Variants in DNAH11 observed in about 807,000 individuals in gnomAD.
The protein encoded by DNAH11 is axonemal beta dynein heavy chain 11.
A neutral mutation model predicts 526.0 loss-of-function variants in DNAH11; 442 were observed. The ratio of observed to expected loss-of-function variants is 0.84; its 90% confidence interval spans 0.78 to 0.91. DNAH11 has a LOEUF of 0.91. Among genes scored for constraint, DNAH11 ranks in the 40% least tolerant of loss-of-function variants. The pLI, the probability that DNAH11 is intolerant of heterozygous loss-of-function variation, is 0.00. For missense variants in DNAH11, 6,989 were observed against 5,448.7 expected (o/e 1.28, Z -8.90); for synonymous variants, 2,461 against 1,935.9 (o/e 1.27, Z -7.12).
rs146645211 is a variant in DNAH11, at chr7:21,841,301, C to T, written c.10692-1243C>T. ...AAATACATACTTAAGATGCATTATA[C>T]ATATATATACAGATATACATAAACA... On this transcript the variant is annotated intron_variant, in intron 65 of 81. Transcript: ENST00000409508. Among the ~76,000 whole-genome samples, 245 of 152,148 alleles carry T rather than the reference C, an allele frequency of 1.6e-3. 2 individuals are homozygous for T. The East Asian group carries it at 0.042, about 26-fold the overall frequency.
At position 21,894,046 on chromosome 7, in the gene DNAH11, G is replaced by T. The variant is rs575574328; in HGVS notation, c.12751-577G>T. On this transcript the variant is annotated intron_variant, in intron 77 of 81. Transcript: ENST00000409508. ...TGGGATTACAGACATGCTCCAACATGCCTGGCTAATTTTTATATTTTTAGT... is the reference window on the plus strand; with the variant it reads ...TGGGATTACAGACATGCTCCAACATTCCTGGCTAATTTTTATATTTTTAGT... 2.2e-4 allele frequency among the ~76,000 whole-genome samples: 33 copies of T among 152,180 alleles called. No individual in the cohort carries two copies. In the Middle Eastern group the frequency reaches 0.01, roughly 47 times the overall value.
intron 35 of DNAH11, among the ~76,000 whole-genome samples, chr7:21,691,900 T>C (rs1783647248): frequency 6.6e-6 from 1 of 152,194 alleles, no homozygotes; most frequent in Non-Finnish European, 1.5e-5. Context: ...AAAATTACTC[T>C]TATTTCAGAA....
chr7:21,567,847 C>CT (rs1252789022), intron 6 of DNAH11, among the ~76,000 whole-genome samples: 2 of 152,358 alleles, frequency 1.3e-5, no homozygotes, highest in East Asian at 3.9e-4. Flanking sequence ...ACCTTGCGTG[C>CT]TAGCACAGGC....
intron 74 of DNAH11, 94 bp from the exon 75 acceptor site, chr7:21,880,608 C>A: frequency 1.5e-6 from 2 of 1,367,290 alleles, no homozygotes; most frequent in Non-Finnish European, 2.0e-6. Flanking sequence ...GTATCTCACT[C>A]TCAAAGTTCT....
chr7:21,873,575 C>A, intron 74 of DNAH11, 74 bp downstream of exon 74: 1 of 1,428,166 alleles, frequency 7.0e-7, no homozygotes, highest in Non-Finnish European at 9.8e-7. Flanking sequence ...CCAGAATCAA[C>A]CCAGGCATGT....
intron 54 of DNAH11, among the ~76,000 whole-genome samples, chr7:21,758,782 C>G (rs1047019338): frequency 6.6e-6 from 1 of 152,200 alleles, no homozygotes; most frequent in African/African-American, 2.4e-5. Flanking sequence ...GTTGAATAGC[C>G]TTTGCATTTT....
rs1783403701 is a variant in DNAH11 at position 21,687,056 on chromosome 7, T to C, written c.5622-43T>C. 2.6e-6 allele frequency: 4 copies of C among 1,561,508 alleles called. No homozygotes were observed. The African/African-American group carries it at 4.1e-5, about 16-fold the overall frequency. On this transcript the variant is annotated intron_variant, in intron 32 of 81. Transcript: ENST00000409508. ...TATTGCCTCTGATGTTTTATGAAAA[T>C]CTCATATTAGACTGTGATGTTTGTG...
At chr7:21,589,473 A>G in intron 12 of DNAH11, 70 bp downstream of exon 12, 3 of 1,298,664 alleles carry the variant, frequency 2.3e-6, no homozygotes, top group East Asian at 2.4e-5. Flanking sequence ...TGATATTTCC[A>G]GTCATTTGTA....
At chr7:21,741,810 C>A in intron 48 of DNAH11, 117 bp from the exon 49 acceptor site, 1 of 1,218,820 alleles carries the variant, frequency 8.2e-7, no homozygotes, top group Non-Finnish European at 1.1e-6. Flanking sequence ...GAGTGGAGCA[C>A]TAAAAAGCTA....
intron 65 of DNAH11, among the ~76,000 whole-genome samples, chr7:21,819,751 C>T (rs938564722): frequency 3.9e-5 from 6 of 152,044 alleles, no homozygotes; most frequent in African/African-American, 1.4e-4. Flanking sequence ...TCAGTATGGA[C>T]GTAGTTAACT....
At position 21,606,742 on chromosome 7, in the gene DNAH11, G is replaced by T. The variant is rs774103240; in HGVS notation, c.3852+9G>T. On this transcript the variant is annotated intron_variant, in intron 20 of 81. Transcript: ENST00000409508. ...ACACAGCGCTTGATAAGGTAATACA[G>T]ATCTCAAATATCCTGTGTGCATTAA... The T allele has an allele frequency of 1.9e-6, 3 of 1,596,830 alleles. No individual in the cohort carries two copies. The South Asian group carries it at 3.4e-5, about 18-fold the overall frequency.
intron 23 of DNAH11, among the ~76,000 whole-genome samples, chr7:21,618,698 G>A (rs1428974458): frequency 1.3e-5 from 2 of 152,188 alleles, no homozygotes; most frequent in Admixed American, 6.5e-5. Flanking sequence ...TGGGAATTAT[G>A]TTCAGTGAAT....
At chr7:21,782,784 C>T (rs1238625526) in intron 57 of DNAH11, among the ~76,000 whole-genome samples, 1 of 152,028 alleles carries the variant, frequency 6.6e-6, no homozygotes, top group Admixed American at 6.6e-5. Context: ...GTGGTGCGTG[C>T]CTGTAATCCC....
rs6972836 is a variant in DNAH11, at chr7:21,891,566, A to G, written c.12508-859A>G. Among the ~76,000 whole-genome samples, 295 of 152,302 alleles carry G rather than the reference A, an allele frequency of 1.9e-3. 1 individual carries two copies. The highest frequency in any genetic ancestry group is 6.7e-3 in the African/African-American group (279 of 41,560). On this transcript the variant is annotated intron_variant, in intron 76 of 81. Transcript: ENST00000409508. ...CATAAATTCTTTTGTTACATTTTGA[A>G]GTTCTACATTCTAATGTTTAGAGGG...
intron 45 of DNAH11, among the ~76,000 whole-genome samples, chr7:21,726,818 G>A (rs577596433): frequency 0.015 from 1,187 of 81,782 alleles, 27 homozygotes; most frequent in African/African-American, 0.053. Context: ...CCGAGATCGC[G>A]CCACTGCACT....
rs116661210 is a variant in DNAH11, at chr7:21,749,940, A to T, written c.8797+139A>T. 2.4e-5 allele frequency: 32 copies of T among 1,335,682 alleles called. No homozygotes were observed. The African/African-American group carries it at 3.2e-4, about 13-fold the overall frequency. The allele number at this position is 1,335,682 out of a possible 1,614,324, so 82.7% of individuals were successfully genotyped here. On this transcript the variant is annotated intron_variant, in intron 53 of 81. Transcript: ENST00000409508. The stretch of plus-strand genomic sequence containing the variant: ...TGGGGAGAAACCTATAAACCTAACT[A>T]ATTTGAGGTGTATTGCTTTCTTAGT...
intron 25 of DNAH11, among the ~76,000 whole-genome samples, chr7:21,627,103 G>A (rs113138509): frequency 6.6e-6 from 1 of 152,064 alleles, no homozygotes; most frequent in Non-Finnish European, 1.5e-5. Flanking sequence ...TTTAAAATCA[G>A]ATTGGGGTTT....
At chr7:21,867,742 C>T (rs1016570473) in intron 71 of DNAH11, 117 bp from the exon 72 acceptor site, 19 of 847,456 alleles carry the variant, frequency 2.2e-5, no homozygotes, top group Non-Finnish European at 3.1e-5. Context: ...CAAGACATCC[C>T]ATGTAATAAA....
chr7:21,807,356 A>C (rs1479154841), intron 62 of DNAH11, among the ~76,000 whole-genome samples: 1 of 152,166 alleles, frequency 6.6e-6, no homozygotes, highest in Non-Finnish European at 1.5e-5. Context: ...AAAATTTGCC[A>C]GGCGTGGTGG....
Sources: gnomAD v4.1 joint callset for allele counts (sites outside exome capture counted in the v4.1 genomes callset) on GRCh38, gnomAD v4.1.1 for gene constraint, MANE v1.5 for transcripts, NCBI Gene and HGNC (gene_info 2026-07-23, HGNC 2026-07-21) for gene names.